The following VAC14 variants were observed in gnomAD, a reference collection of about 807,000 sequenced individuals.
The protein encoded by VAC14 is VAC14 component of PIKFYVE complex.
VAC14 carries 47 observed loss-of-function variants against 85.3 expected under a neutral mutation model. The observed-to-expected ratio is 0.55, with a 90% CI of 0.44 to 0.70. The LOEUF is 0.70. Ranked by LOEUF, VAC14 falls within the 30% of genes least tolerant of loss-of-function variation. The pLI is 0.00. For synonymous variants in VAC14, 447 were observed against 430.5 expected (o/e 1.04, Z -0.47); for missense variants, 861 against 1,004.3 (o/e 0.86, Z 1.93).
At chr16:70,713,503 G>A (rs2054081683) in intron 14 of VAC14, among the ~76,000 whole-genome samples, 1 of 152,146 alleles carries the variant, frequency 6.6e-6, no homozygotes, top group Admixed American at 6.5e-5. Flanking sequence ...TGGGGGTAGG[G>A]AAGAGCCCAG....
chr16:70,753,507 G>A (rs1197253819), intron 12 of VAC14, among the ~76,000 whole-genome samples: 1 of 152,214 alleles, frequency 6.6e-6, no homozygotes, highest in Non-Finnish European at 1.5e-5. Flanking sequence ...GGGGGCCCTG[G>A]CTTGGCTGCC....
rs753269783 is a variant in VAC14, at chr16:70,781,868, C to T, written c.946+1G>A. 9.3e-6 allele frequency: 15 copies of T among 1,613,794 alleles called. No individual in the cohort carries two copies. The highest frequency in any genetic ancestry group is 1.3e-5 in the Non-Finnish European group (15 of 1,179,912). On this transcript the variant is annotated splice_donor_variant, in intron 8 of 18. Coordinates refer to ENST00000261776, the MANE Select transcript of VAC14 (RefSeq NM_018052.5). LOFTEE classifies it high-confidence loss of function. ...TTATTCTCTCCCAAAGCAAAGGATA[C>T]TTTTCTTGCGGTCATCGTAGGCCAA...
At chr16:70,744,970 C>T in intron 12 of VAC14, 1 of 181,262 alleles carries the variant, frequency 5.5e-6, no homozygotes, top group South Asian at 1.3e-4. Context: ...CGCAAGGCTC[C>T]CAAAGTGCCC....
At chr16:70,700,519 G>T (rs983123937) in intron 14 of VAC14, among the ~76,000 whole-genome samples, 1 of 152,204 alleles carries the variant, frequency 6.6e-6, no homozygotes, top group African/African-American at 2.4e-5. Flanking sequence ...GAAATAGGGG[G>T]AAGTTCTCAG....
intron 18 of VAC14, chr16:70,690,586 T>C (rs780909072): frequency 2.0e-6 from 2 of 985,372 alleles, no homozygotes; most frequent in Non-Finnish European, 2.4e-6. Context: ...AGGGCCTTGA[T>C]GGCACTTGGA....
chr16:70,766,156 GA>G (rs60494478), intron 10 of VAC14, among the ~76,000 whole-genome samples: 20,265 of 94,528 alleles, frequency 0.21, 2,256 homozygotes, highest in African/African-American at 0.36. Flanking sequence ...TGTCCCAAAA[GA>G]AAAAAAAAAA....
intron 13 of VAC14, among the ~76,000 whole-genome samples, chr16:70,740,827 C>T (rs1484874713): frequency 1.3e-5 from 2 of 152,232 alleles, no homozygotes; most frequent in Non-Finnish European, 1.5e-5. Flanking sequence ...CTGCCTTCAC[C>T]GCTCTGCGAG....
intron 14 of VAC14, among the ~76,000 whole-genome samples, chr16:70,707,345 T>G (rs2053940389): frequency 6.6e-6 from 1 of 151,524 alleles, no homozygotes; most frequent in South Asian, 2.1e-4. Flanking sequence ...TTGCAGGGAG[T>G]GGGGTGGGAG....
chr16:70,731,737 GGT>G, intron 13 of VAC14, 110 bp from the exon 14 acceptor site: 1 of 1,214,808 alleles, frequency 8.2e-7, no homozygotes, highest in African/African-American at 1.5e-5. Flanking sequence ...GTGTGTGGGG[GGT>G]GTTATAACAA....
intron 1 of VAC14, among the ~76,000 whole-genome samples, chr16:70,797,015 C>T (rs1027652658): frequency 2.0e-5 from 3 of 152,182 alleles, no homozygotes; most frequent in Non-Finnish European, 4.4e-5. Context: ...ATTGTTTCAG[C>T]CTAGGAGTTC....
chr16:70,693,073 G>A lies in VAC14; in HGVS notation c.2036-102C>T, dbSNP rs187103788. 4.0e-3 allele frequency: 5,832 copies of A among 1,443,264 alleles called. 32 individuals carry two copies. Among genetic ancestry groups the A allele is most frequent in the Non-Finnish European group, 4.5e-3 (4,902 of 1,081,014 alleles). 89.4% of individuals were successfully genotyped at this position (1,443,264 alleles called of 1,614,324 possible). ...ACTGGCCAGGACCACCTGGGACTTG[G>A]TGCCATGGCACCCACAGCCCAAGGA... On this transcript the variant is annotated intron_variant, in intron 17 of 18. Transcript: ENST00000261776.
chr16:70,766,333 C>T (rs1013256648), intron 10 of VAC14: 7 of 376,354 alleles, frequency 1.9e-5, no homozygotes, highest in Admixed American at 1.8e-4. Flanking sequence ...CCTGTGGGGC[C>T]TCTCCTGCAA....
At chr16:70,700,833 C>G (rs1173475560) in intron 14 of VAC14, among the ~76,000 whole-genome samples, 1 of 152,230 alleles carries the variant, frequency 6.6e-6, no homozygotes, top group Non-Finnish European at 1.5e-5. Context: ...TCGCCGGCAG[C>G]TGGTGCCGTC....
intron 12 of VAC14, among the ~76,000 whole-genome samples, chr16:70,752,241 C>CAA (rs1281523258): frequency 1.3e-5 from 2 of 152,362 alleles, no homozygotes; most frequent in Non-Finnish European, 2.9e-5. Context: ...CTGTTAGGTT[C>CAA]CACTGATTAA....
chr16:70,691,769 A>G (rs1431337179), intron 18 of VAC14: 1 of 985,332 alleles, frequency 1.0e-6, no homozygotes, highest in Non-Finnish European at 1.2e-6. Flanking sequence ...CAGGTGCCCC[A>G]CACTCAGCCA....
At chr16:70,774,813 GGC>G (rs60311555) in intron 9 of VAC14, among the ~76,000 whole-genome samples, 26,911 of 129,822 alleles carry the variant, frequency 0.21, 3,604 homozygotes, top group African/African-American at 0.42. Context: ...GCATGATCTT[GGC>G]GCTCACTGTA....
chr16:70,740,929 G>A (rs1187619341), intron 13 of VAC14, among the ~76,000 whole-genome samples: 1 of 152,238 alleles, frequency 6.6e-6, no homozygotes, highest in East Asian at 1.9e-4. Flanking sequence ...TGGCTGTGGT[G>A]CATTAGGCCA....
chr16:70,713,874 C>T (rs1289130262), intron 14 of VAC14: 1 of 152,232 alleles, frequency 6.6e-6, no homozygotes, highest in African/African-American at 2.4e-5. Context: ...TATCTTTTCT[C>T]TCCTAGAAAC....
chr16:70,752,951 G>T (rs1012177075), intron 12 of VAC14, among the ~76,000 whole-genome samples: 2 of 152,124 alleles, frequency 1.3e-5, no homozygotes, highest in African/African-American at 4.8e-5. Context: ...GGTCTGAGTG[G>T]ACGGGGGGAC....
Sources: gnomAD v4.1 joint callset for allele counts (sites outside exome capture counted in the v4.1 genomes callset) on GRCh38, gnomAD v4.1.1 for gene constraint, MANE v1.5 for transcripts, NCBI Gene and HGNC (gene_info 2026-07-23, HGNC 2026-07-21) for gene names.